The following NRDE2 variants were observed in gnomAD, a reference collection of about 807,000 sequenced individuals.
NRDE2 encodes the protein nuclear exosome regulator NRDE2.
A neutral mutation model predicts 124.2 loss-of-function variants in NRDE2; 76 were observed. The ratio of observed to expected loss-of-function variants is 0.61; its 90% CI spans 0.51 to 0.74. The LOEUF (loss-of-function observed/expected upper bound fraction) is 0.74, where lower values mean the gene tolerates loss of function less well. Among genes scored for constraint, NRDE2 ranks in the 30% least tolerant of loss-of-function variants. NRDE2 has a pLI of 0.00. For synonymous variants in NRDE2, 489 were observed against 528.1 expected, an observed-to-expected ratio of 0.93 and a Z score of 1.01; for missense variants, 1,314 against 1,417.3, an observed-to-expected ratio of 0.93 and a Z score of 1.17.
intron 4 of NRDE2, among the ~76,000 whole-genome samples, chr14:90,305,043 G>T (rs1029428349): frequency 6.6e-6 from 1 of 151,930 alleles, no homozygotes; most frequent in Non-Finnish European, 1.5e-5. Flanking sequence ...AAAAGCTAAG[G>T]AAAATTGTAC....
chr14:90,289,328 T>A (rs1892206961), intron 10 of NRDE2, among the ~76,000 whole-genome samples, 183 bp from the exon 11 acceptor site: 1 of 152,224 alleles, frequency 6.6e-6, no homozygotes, highest in Non-Finnish European at 1.5e-5. Context: ...GGGCCACAAC[T>A]GCCCCCAAAT....
chr14:90,289,535 C>A (rs1892211510), intron 10 of NRDE2, among the ~76,000 whole-genome samples: 1 of 152,212 alleles, frequency 6.6e-6, no homozygotes. Flanking sequence ...GACAGAACAG[C>A]TGATCCAGAC....
At position 90,302,883 on chromosome 14, in the gene NRDE2, G is replaced by A; in HGVS notation, c.1248C>T (p.Ala416=). The change falls in exon 6 of 14, where the codon GCC becomes GCT. Residue 416 remains alanine, a synonymous_variant. Transcript: ENST00000354366. The stretch of plus-strand genomic sequence containing the variant: ...AAAATAAAAGGTATTTCTGCCAAAG[G>A]GCTGTATTATTGGGATGCAAAAATA... ...KLIFLHPNNT[A]LWQKYLLFCQ... is the part of the protein sequence containing the mutation. The A allele has an allele frequency of 1.2e-6, 2 of 1,614,098 alleles. No individual in the cohort carries two copies. Among genetic ancestry groups the A allele is most frequent in the Non-Finnish European group, 1.7e-6 (2 of 1,180,040 alleles).
At chr14:90,327,737 G>A (rs1166640287) in intron 1 of NRDE2, among the ~76,000 whole-genome samples, 3 of 152,310 alleles carry the variant, frequency 2.0e-5, no homozygotes, top group East Asian at 3.9e-4. Flanking sequence ...CAGGCTAGGC[G>A]AGGTGGCTCA....
chr14:90,293,676 C>T (rs1197685276), intron 8 of NRDE2, among the ~76,000 whole-genome samples: 1 of 152,154 alleles, frequency 6.6e-6, no homozygotes, highest in African/African-American at 2.4e-5. Flanking sequence ...CTTAAGTCAT[C>T]CGAATTTTTA....
At chr14:90,289,922 C>T (rs1001818863) in intron 10 of NRDE2, among the ~76,000 whole-genome samples, 1 of 152,206 alleles carries the variant, frequency 6.6e-6, no homozygotes, top group African/African-American at 2.4e-5. Context: ...AATGCTCTGA[C>T]GCTGCTTTAA....
chr14:90,317,952 C>G, intron 2 of NRDE2, 53 bp downstream of exon 2: 1 of 1,332,868 alleles, frequency 7.5e-7, no homozygotes, highest in African/African-American at 1.4e-5. Flanking sequence ...TTCAGCTAAG[C>G]TATAGACAGT....
intron 12 of NRDE2, among the ~76,000 whole-genome samples, chr14:90,284,065 C>T (rs1287420631): frequency 6.6e-6 from 1 of 152,094 alleles, no homozygotes; most frequent in East Asian, 1.9e-4. Context: ...CCCATTATTC[C>T]TGAGTGTGCC....
intron 9 of NRDE2, among the ~76,000 whole-genome samples, chr14:90,291,722 G>A (rs1405211668): frequency 6.6e-6 from 1 of 152,156 alleles, no homozygotes; most frequent in East Asian, 1.9e-4. Context: ...CCACTTCTCT[G>A]TGTCCTCACT....
At position 90,314,994 on chromosome 14, in the gene NRDE2, T is replaced by C. The variant is rs1434433505; in HGVS notation, c.407+1584A>G. Among the ~76,000 whole-genome samples, 3 of 150,956 alleles carry C rather than the reference T, an allele frequency of 2.0e-5. No individual in the cohort carries two copies. In the East Asian group the frequency reaches 5.8e-4, roughly 29 times the overall value. On this transcript the variant is annotated intron_variant, in intron 3 of 13. Transcript: ENST00000354366. ...GAGATCGAGACCAGCCTGGCCAACATGGAAAAACCCCGTCTCTACTAAAAA... is the reference window on the plus strand; with the variant it reads ...GAGATCGAGACCAGCCTGGCCAACACGGAAAAACCCCGTCTCTACTAAAAA...
At chr14:90,300,414 T>C (rs1884350191) in intron 7 of NRDE2, among the ~76,000 whole-genome samples, 1 of 152,210 alleles carries the variant, frequency 6.6e-6, no homozygotes, top group Admixed American at 6.5e-5. Context: ...ACGGAGGCCT[T>C]GGCCTCTCAA....
chr14:90,269,625 T>C lies in NRDE2; in HGVS notation c.*8711A>G, dbSNP rs936767862. ...GTTTAAGTGTGCTTTGGGAGGCCTA[T>C]AAAATGATACATAAAAAAGCAAATA... On this transcript the variant is annotated 3_prime_UTR_variant, in exon 14 of 14. Transcript: ENST00000354366. The C allele has an allele frequency of 2.0e-6, 3 of 1,489,796 alleles. No homozygotes were observed. The highest frequency in any genetic ancestry group is 1.4e-5 in the African/African-American group (1 of 71,038). 92.3% of individuals were successfully genotyped at this position (1,489,796 alleles called of 1,614,324 possible).
At chr14:90,305,142 G>A (rs1884552022) in intron 4 of NRDE2, among the ~76,000 whole-genome samples, 1 of 151,458 alleles carries the variant, frequency 6.6e-6, no homozygotes, top group African/African-American at 2.4e-5. Flanking sequence ...GACATGAATA[G>A]CCAATAAGCA....
intron 6 of NRDE2, 96 bp downstream of exon 6, chr14:90,302,624 T>C: frequency 7.8e-7 from 1 of 1,283,386 alleles, no homozygotes; most frequent in Non-Finnish European, 1.1e-6. Context: ...AATTTAGACT[T>C]TTTCTAGAAT....
At chr14:90,299,918 C>T (rs1338719887) in intron 7 of NRDE2, among the ~76,000 whole-genome samples, 1 of 152,162 alleles carries the variant, frequency 6.6e-6, no homozygotes, top group Non-Finnish European at 1.5e-5. Context: ...CTACTGTGTT[C>T]ACGGTAACAA....
At position 90,276,965 on chromosome 14, in the gene NRDE2, T is replaced by A. The variant is rs1353207427; in HGVS notation, c.*1371A>T. On this transcript the variant is annotated 3_prime_UTR_variant, in exon 14 of 14. Transcript: ENST00000354366. ...CTCTTTGTGGGCAGCCAGGAACTCA[T>A]GACAGTTCAAGCCAGTTAGCTCTCA... is the stretch of plus-strand genomic sequence containing the variant. The A allele has an allele frequency of 6.6e-6, 1 of 152,234 alleles. No homozygotes were observed. Among genetic ancestry groups the A allele is most frequent in the Non-Finnish European group, 1.5e-5 (1 of 68,074 alleles). The allele number at this position is 152,234 out of a possible 1,614,324, so 9.4% of individuals were successfully genotyped here. A position where few individuals can be genotyped will look rare whatever the true frequency, so the allele number is the denominator to read the frequency against.
Position 90,316,801 on chromosome 14 carries a change from TC to T in NRDE2, c.183del (p.Lys62AsnfsTer97). On this transcript the variant is annotated frameshift_variant, in exon 3 of 14. Transcript: ENST00000354366. LOFTEE classifies it high-confidence loss of function. ...SEGLPLTRSH[L>X]KSESSDESDT... ...TCACTTTCATCTGAAGACTCTGATT[TC>T]AGATGACTCCTGTTTGGGAAAATCA... is the stretch of plus-strand genomic sequence containing the variant. 1 of 1,602,644 alleles carries T rather than the reference TC, an allele frequency of 6.2e-7. No individual in the cohort carries two copies. Among genetic ancestry groups the T allele is most frequent in the Non-Finnish European group, 8.5e-7 (1 of 1,175,534 alleles).
At position 90,303,973 on chromosome 14, in the gene NRDE2, G is replaced by A. The variant is rs560359168; in HGVS notation, c.967C>T (p.Arg323Trp). The A allele has an allele frequency of 1.1e-5, 18 of 1,613,380 alleles. No homozygotes were observed. The highest frequency in any genetic ancestry group is 3.3e-4 in the Middle Eastern group (2 of 6,058). Residue 323 changes from arginine (R) to tryptophan (W), a missense_variant, in exon 5 of 14, where the codon CGG (arginine) becomes TGG (tryptophan). Coordinates refer to ENST00000354366, the MANE Select transcript of NRDE2 (RefSeq NM_017970.4). Reference sequence around the variant, plus strand: ...AATGCCATCCACAGCTGCGTATCCCGAGGATTCTCCCGCACCCTCCTGTTA... The same window carrying A: ...AATGCCATCCACAGCTGCGTATCCCAAGGATTCTCCCGCACCCTCCTGTTA... The part of the protein sequence containing the change: ...EFNRRVRENP[R>W]DTQLWMAFVA...
At chr14:90,292,675 G>C (rs1206825520) in intron 9 of NRDE2, 22 bp downstream of exon 9, 1 of 1,603,390 alleles carries the variant, frequency 6.2e-7, no homozygotes, top group Non-Finnish European at 8.5e-7. Flanking sequence ...ACAGCTTCCT[G>C]CCTGGGGCGG....
Sources: allele counts gnomAD v4.1 joint callset (sites outside exome capture counted in the v4.1 genomes callset), GRCh38; gene constraint gnomAD v4.1.1; transcripts MANE v1.5; gene names NCBI Gene and HGNC (gene_info 2026-07-23, HGNC 2026-07-21).